The following ARHGAP42 variants were observed in gnomAD, a reference collection of about 807,000 sequenced individuals.
The protein encoded by ARHGAP42 is Rho GTPase activating protein 42.
In ARHGAP42, 63 loss-of-function variants were observed where a neutral mutation model predicts 125.0. The observed-to-expected ratio is 0.50, with a 90% CI of 0.41 to 0.62. The LOEUF (loss-of-function observed/expected upper bound fraction) is 0.62, where lower values mean the gene tolerates loss of function less well. ARHGAP42 is among the 20% of genes least tolerant of loss of function. The probability of loss-of-function intolerance (pLI) is 0.00; values close to 1 mark genes in which losing one functional copy is unlikely to be tolerated. For missense variants in ARHGAP42, 766 were observed against 1,024.2 expected, an observed-to-expected ratio of 0.75 and a Z score of 3.44; for synonymous variants, 339 against 351.0, an observed-to-expected ratio of 0.97 and a Z score of 0.38.
chr11:100,775,374 G>A (rs1037435844), intron 2 of ARHGAP42, among the ~76,000 whole-genome samples: 2 of 141,940 alleles, frequency 1.4e-5, no homozygotes, highest in African/African-American at 5.1e-5. Flanking sequence ...ATTTATAGGG[G>A]TAGACCAAAT....
At chr11:100,968,547 A>G (rs1348606925) in intron 17 of ARHGAP42, among the ~76,000 whole-genome samples, 5 of 152,248 alleles carry the variant, frequency 3.3e-5, no homozygotes, top group African/African-American at 1.2e-4. Context: ...ATATCTATAT[A>G]TGTTATATCC....
chr11:100,859,464 T>C, intron 3 of ARHGAP42, 90 bp from the exon 4 acceptor site: 1 of 1,060,898 alleles, frequency 9.4e-7, no homozygotes, highest in East Asian at 2.8e-5. Flanking sequence ...AAAAACAGTC[T>C]ATTTGATACA....
At chr11:100,939,732 C>G (rs1414562289) in intron 8 of ARHGAP42, among the ~76,000 whole-genome samples, 1 of 152,098 alleles carries the variant, frequency 6.6e-6, no homozygotes, top group African/African-American at 2.4e-5. Context: ...TTTTTGGGAA[C>G]TGTAGAATTG....
intron 4 of ARHGAP42, among the ~76,000 whole-genome samples, chr11:100,900,334 T>C (rs1244060818): frequency 1.3e-5 from 2 of 152,220 alleles, no homozygotes; most frequent in Non-Finnish European, 2.9e-5. Flanking sequence ...CTGGCTGTGC[T>C]TAACATTTTT....
chr11:100,751,799 T>TG (rs1862466252), intron 1 of ARHGAP42, among the ~76,000 whole-genome samples: 15 of 134,374 alleles, frequency 1.1e-4, no homozygotes, highest in East Asian at 2.4e-4. Context: ...TTTTTTTTTT[T>TG]GACGGAATCT....
chr11:100,732,440 T>G (rs1346702368), intron 1 of ARHGAP42, among the ~76,000 whole-genome samples: 1 of 152,198 alleles, frequency 6.6e-6, no homozygotes, highest in Non-Finnish European at 1.5e-5. Context: ...GCTGCAAACT[T>G]AAACAAGAAT....
chr11:100,707,660 G>T (rs890656742), intron 1 of ARHGAP42, among the ~76,000 whole-genome samples: 4 of 152,178 alleles, frequency 2.6e-5, no homozygotes, highest in Non-Finnish European at 5.9e-5. Context: ...GAAGGAGAAA[G>T]AAAATGAGAC....
chr11:100,747,155 C>G (rs1347197207), intron 1 of ARHGAP42, among the ~76,000 whole-genome samples: 1 of 152,160 alleles, frequency 6.6e-6, no homozygotes, highest in Non-Finnish European at 1.5e-5. Flanking sequence ...GGAGGATAAA[C>G]TAAGTATATA....
At chr11:100,842,585 C>T (rs1051361210) in intron 3 of ARHGAP42, among the ~76,000 whole-genome samples, 12 of 151,904 alleles carry the variant, frequency 7.9e-5, no homozygotes, top group East Asian at 3.9e-4. Context: ...TGAAAGAAGG[C>T]GTAGAAATCA....
chr11:100,750,548 A>G (rs113784083), intron 1 of ARHGAP42, among the ~76,000 whole-genome samples: 2,763 of 148,990 alleles, frequency 0.019, 68 homozygotes, highest in African/African-American at 0.063. Flanking sequence ...TTCCTGATGC[A>G]CGTGGCCCCT....
chr11:100,987,977 A>G (rs1006272315), intron 23 of ARHGAP42, among the ~76,000 whole-genome samples: 1 of 151,886 alleles, frequency 6.6e-6, no homozygotes, highest in Non-Finnish European at 1.5e-5. Flanking sequence ...AAAATACAAA[A>G]ATTACCCGGG....
chr11:100,795,785 T>C (rs1414782106), intron 3 of ARHGAP42, among the ~76,000 whole-genome samples: 1 of 152,232 alleles, frequency 6.6e-6, no homozygotes. Context: ...TCATCTGTAA[T>C]ATGGGAAAAA....
chr11:100,896,364 G>A (rs1409930138), intron 4 of ARHGAP42, among the ~76,000 whole-genome samples: 1 of 152,144 alleles, frequency 6.6e-6, no homozygotes, highest in Non-Finnish European at 1.5e-5. Context: ...ACCCAGTAAT[G>A]GGATGGCTGG....
chr11:100,919,011 G>A (rs1490221399), intron 5 of ARHGAP42, among the ~76,000 whole-genome samples: 4 of 152,212 alleles, frequency 2.6e-5, no homozygotes, highest in African/African-American at 7.2e-5. Context: ...AGTCATACTC[G>A]TGGCTATGAT....
intron 1 of ARHGAP42, among the ~76,000 whole-genome samples, chr11:100,710,254 G>A (rs994300993): frequency 2.6e-5 from 4 of 151,858 alleles, no homozygotes; most frequent in African/African-American, 7.3e-5. Flanking sequence ...TTTAGACAGA[G>A]TCTCACTCCA....
chr11:100,788,647 C>T (rs1426445235), intron 2 of ARHGAP42, among the ~76,000 whole-genome samples: 1 of 152,118 alleles, frequency 6.6e-6, no homozygotes, highest in East Asian at 1.9e-4. Context: ...GCAGATAAAA[C>T]CAATATTGCA....
At position 100,989,138 on chromosome 11, in the gene ARHGAP42, A is replaced by G. The variant is rs1031640905; in HGVS notation, c.*337A>G. The G allele has an allele frequency of 9.9e-6, 4 of 402,852 alleles. No individual in the cohort carries two copies. The highest frequency in any genetic ancestry group is 8.2e-5 in the African/African-American group (4 of 48,802). 25.0% of individuals were successfully genotyped at this position (402,852 alleles called of 1,614,324 possible). On this transcript the variant is annotated 3_prime_UTR_variant, in exon 24 of 24. Coordinates refer to ENST00000298815, the MANE Select transcript of ARHGAP42 (RefSeq NM_152432.4). Reference sequence around the variant, plus strand: ...TGTATCCCAGAAATTTGGAAACCAGAAATCTGCTATATGGATTTTGAGATC... The same window carrying G: ...TGTATCCCAGAAATTTGGAAACCAGGAATCTGCTATATGGATTTTGAGATC...
chr11:100,870,619 T>C (rs1865673180), intron 4 of ARHGAP42, among the ~76,000 whole-genome samples: 1 of 152,180 alleles, frequency 6.6e-6, no homozygotes, highest in Non-Finnish European at 1.5e-5. Context: ...ACTTAAATGG[T>C]GAGAAATATT....
intron 6 of ARHGAP42, among the ~76,000 whole-genome samples, chr11:100,925,601 G>A (rs1244401752): frequency 6.6e-6 from 1 of 151,266 alleles, no homozygotes. Flanking sequence ...AGCCAGGCGT[G>A]GTGGTGGGTG....
Sources: gnomAD v4.1 joint callset for allele counts (sites outside exome capture counted in the v4.1 genomes callset) on GRCh38, gnomAD v4.1.1 for gene constraint, MANE v1.5 for transcripts, NCBI Gene and HGNC (gene_info 2026-07-23, HGNC 2026-07-21) for gene names.